DDAH1: variants seen among roughly 807,000 people sequenced by gnomAD.
DDAH1 encodes the protein dimethylarginine dimethylaminohydrolase 1.
A neutral mutation model predicts 28.8 loss-of-function variants in DDAH1; 19 were observed. The observed-to-expected ratio is 0.66, with a 90% CI of 0.46 to 0.97. DDAH1 has a LOEUF of 0.97. Among genes scored for constraint, DDAH1 ranks in the 50% least tolerant of loss-of-function variants. The pLI is 0.00. For synonymous variants in DDAH1, 153 were observed against 154.4 expected, an observed-to-expected ratio of 0.99 and a Z score of 0.07; for missense variants, 326 against 375.9, an observed-to-expected ratio of 0.87 and a Z score of 1.10.
intron 1 of DDAH1, among the ~76,000 whole-genome samples, chr1:85,562,519 G>A (rs914562207): frequency 3.9e-5 from 6 of 152,174 alleles, no homozygotes; most frequent in African/African-American, 1.4e-4. Context: ...ATGTAACAAA[G>A]TTAAGATGAG....
intron 1 of DDAH1, among the ~76,000 whole-genome samples, chr1:85,505,110 C>T (rs964663721): frequency 2.0e-5 from 3 of 151,086 alleles, no homozygotes; most frequent in Non-Finnish European, 2.9e-5. Flanking sequence ...CTCAGCCTCC[C>T]GAGTAGCTGA....
intron 1 of DDAH1, among the ~76,000 whole-genome samples, chr1:85,400,199 T>TTGAGATGGAGTCTCAA (rs1652016297): frequency 9.6e-6 from 1 of 104,636 alleles, no homozygotes; most frequent in African/African-American, 3.8e-5. Flanking sequence ...TTTTTTTTTT[T>TTGAGATGGAGTCTCAA]TTTTTTTTTG....
chr1:85,425,458 A>G (rs1653352757), intron 1 of DDAH1, among the ~76,000 whole-genome samples: 5 of 152,170 alleles, frequency 3.3e-5, no homozygotes, highest in Admixed American at 3.3e-4. Context: ...CTCATCTATA[A>G]GGAATACTTT....
chr1:85,399,426 C>G (rs1299229093), intron 1 of DDAH1: 1 of 152,260 alleles, frequency 6.6e-6, no homozygotes, highest in East Asian at 1.9e-4. Context: ...TAGTTTTGGT[C>G]ATGCACTCAC....
chr1:85,520,023 A>G (rs1657624887), intron 1 of DDAH1, among the ~76,000 whole-genome samples: 1 of 151,586 alleles, frequency 6.6e-6, no homozygotes. Context: ...TAAGTTCTTT[A>G]GTGGTGATTT....
chr1:85,480,360 C>T (rs575538429), intron 2 of DDAH1, among the ~76,000 whole-genome samples: 1 of 152,286 alleles, frequency 6.6e-6, no homozygotes, highest in East Asian at 1.9e-4. Context: ...AATAACTTTT[C>T]AATTCAATAC....
intron 1 of DDAH1, among the ~76,000 whole-genome samples, chr1:85,439,260 CCCA>C (rs1448042883): frequency 6.6e-6 from 1 of 152,204 alleles, no homozygotes; most frequent in African/African-American, 2.4e-5. Flanking sequence ...TCAGGAATTT[CCCA>C]CTGTACCCTT....
At chr1:85,400,242 A>C (rs1652024396) in intron 1 of DDAH1, among the ~76,000 whole-genome samples, 1 of 70,812 alleles carries the variant, frequency 1.4e-5, no homozygotes. Flanking sequence ...CCAGGCTGGA[A>C]GTACAGTGGT....
At position 85,434,263 on chromosome 1, in the gene DDAH1, T is replaced by G. The variant is rs552406790; in HGVS notation, c.303+30480A>C. ...TGATGCCCCAATTTTTAAAAATGAT[T>G]AATCAGTTGCCTAGCCCCATTGACT... is the stretch of plus-strand genomic sequence containing the variant. On this transcript the variant is annotated intron_variant, in intron 1 of 5. Coordinates refer to ENST00000284031, the MANE Select transcript of DDAH1 (RefSeq NM_012137.4). Among the ~76,000 whole-genome samples the G allele has an allele frequency of 7.2e-5, 11 of 152,328 alleles. No homozygotes were observed. The South Asian group carries it at 2.1e-3, about 29-fold the overall frequency.
intron 1 of DDAH1, among the ~76,000 whole-genome samples, chr1:85,427,943 G>A (rs968917764): frequency 6.6e-6 from 1 of 152,156 alleles, no homozygotes; most frequent in Non-Finnish European, 1.5e-5. Context: ...ACACAGGTGA[G>A]AGAAGTATAA....
intron 1 of DDAH1, among the ~76,000 whole-genome samples, chr1:85,550,009 A>T (rs2100793706): frequency 1.3e-5 from 2 of 152,310 alleles, no homozygotes; most frequent in Non-Finnish European, 2.9e-5. Flanking sequence ...GCTCTTTAAA[A>T]TGGTGACTAA....
intron 1 of DDAH1, among the ~76,000 whole-genome samples, chr1:85,511,831 A>G (rs1473488090): frequency 6.6e-6 from 1 of 152,246 alleles, no homozygotes; most frequent in Non-Finnish European, 1.5e-5. Flanking sequence ...GACCAATAAC[A>G]GGTTCTGAAA....
intron 4 of DDAH1, among the ~76,000 whole-genome samples, chr1:85,326,432 C>G (rs1234018304): frequency 6.6e-6 from 1 of 152,196 alleles, no homozygotes; most frequent in East Asian, 1.9e-4. Context: ...CATTTATTAT[C>G]TAATCTCAAA....
At chr1:85,570,044 G>A (rs1659407599) in intron 1 of DDAH1, among the ~76,000 whole-genome samples, 1 of 152,102 alleles carries the variant, frequency 6.6e-6, no homozygotes, top group South Asian at 2.1e-4. Flanking sequence ...CATTTGGAGG[G>A]CACATCTCAG....
intron 4 of DDAH1, among the ~76,000 whole-genome samples, chr1:85,346,805 A>G (rs980173433): frequency 1.3e-5 from 2 of 152,228 alleles, no homozygotes; most frequent in African/African-American, 4.8e-5. Context: ...CAGCAAAAGA[A>G]ACTATCATCG....
At chr1:85,347,755 A>G (rs1428270695) in intron 4 of DDAH1, among the ~76,000 whole-genome samples, 1 of 141,624 alleles carries the variant, frequency 7.1e-6, no homozygotes, top group Non-Finnish European at 1.6e-5. Flanking sequence ...CCTAGAACTT[A>G]AAGTATAATA....
intron 2 of DDAH1, chr1:85,495,115 G>GCAAAT (rs1656542688): frequency 6.6e-6 from 1 of 151,970 alleles, no homozygotes; most frequent in African/African-American, 2.4e-5. Flanking sequence ...ACGTGTTAAG[G>GCAAAT]CAAATTTTCT....
At chr1:85,570,813 G>C (rs1659433517) in intron 1 of DDAH1, among the ~76,000 whole-genome samples, 1 of 152,024 alleles carries the variant, frequency 6.6e-6, no homozygotes, top group South Asian at 2.1e-4. Flanking sequence ...CTTCAAATCA[G>C]TGCACCTGAA....
At position 85,443,718 on chromosome 1, in the gene DDAH1, GA is replaced by G; in HGVS notation, c.303+21024del. On this transcript the variant is annotated intron_variant, in intron 1 of 5. Coordinates refer to ENST00000284031, the MANE Select transcript of DDAH1 (RefSeq NM_012137.4). ...GCAGTGGTTTGTAGTTCTCCTTGAA[GA>G]GGTCCTTCACATCCCTTGTAAGTTG... Among the ~76,000 whole-genome samples the G allele has an allele frequency of 2.6e-5, 4 of 152,290 alleles. 1 individual carries two copies. The South Asian group carries it at 8.3e-4, about 32-fold the overall frequency.
Sources: allele counts gnomAD v4.1 joint callset (sites outside exome capture counted in the v4.1 genomes callset), GRCh38; gene constraint gnomAD v4.1.1; transcripts MANE v1.5; gene names NCBI Gene and HGNC (gene_info 2026-07-23, HGNC 2026-07-21).